Variants in NLGN1 observed in about 807,000 individuals in gnomAD.
NLGN1 encodes neuroligin-1.
A neutral mutation model predicts 65.5 loss-of-function variants in NLGN1; 12 were observed. The ratio of observed to expected loss-of-function variants is 0.18; its 90% confidence interval spans 0.12 to 0.30. The LOEUF is 0.30. NLGN1 is among the 10% of genes least tolerant of loss of function. NLGN1 has a pLI of 1.00. For missense variants in NLGN1, 750 were observed against 1,007.1 expected (o/e 0.74, Z 3.46); for synonymous variants, 350 against 359.5 (o/e 0.97, Z 0.30).
At chr3:173,845,977 T>A (rs986989441) in intron 4 of NLGN1, among the ~76,000 whole-genome samples, 1 of 152,066 alleles carries the variant, frequency 6.6e-6, no homozygotes, top group African/African-American at 2.4e-5. Context: ...AAAGATGGGG[T>A]CTTGCTATGT....
intron 4 of NLGN1, among the ~76,000 whole-genome samples, chr3:173,858,211 A>T (rs1728365158): frequency 6.6e-6 from 1 of 151,990 alleles, no homozygotes; most frequent in Non-Finnish European, 1.5e-5. Flanking sequence ...CTTTTCTTCC[A>T]TTTTGAATTC....
At chr3:173,698,917 C>T (rs937489430) in intron 3 of NLGN1, among the ~76,000 whole-genome samples, 4 of 152,020 alleles carry the variant, frequency 2.6e-5, no homozygotes, top group Non-Finnish European at 4.4e-5. Flanking sequence ...AGTACAATGG[C>T]GTGATCTCAG....
At chr3:173,540,335 G>A (rs1738639189) in intron 2 of NLGN1, among the ~76,000 whole-genome samples, 1 of 152,062 alleles carries the variant, frequency 6.6e-6, no homozygotes, top group African/African-American at 2.4e-5. Flanking sequence ...CTTTTGCTGG[G>A]CCCCACTCAA....
intron 4 of NLGN1, among the ~76,000 whole-genome samples, chr3:174,105,832 A>G (rs2152595734): frequency 6.6e-6 from 1 of 152,182 alleles, no homozygotes; most frequent in Non-Finnish European, 1.5e-5. Flanking sequence ...GGAAATATAT[A>G]CTATTAGCAA....
At chr3:174,028,954 A>AT (rs1729376306) in intron 4 of NLGN1, among the ~76,000 whole-genome samples, 1 of 152,126 alleles carries the variant, frequency 6.6e-6, no homozygotes, top group African/African-American at 2.4e-5. Flanking sequence ...AGGGGCCAAC[A>AT]TAGAGCTCAG....
At chr3:174,028,988 G>A (rs1729385121) in intron 4 of NLGN1, among the ~76,000 whole-genome samples, 1 of 152,006 alleles carries the variant, frequency 6.6e-6, no homozygotes, top group South Asian at 2.1e-4. Flanking sequence ...GTACGGAAAT[G>A]CCTGGATATC....
In NLGN1 at chr3:173,927,940, T is replaced by C. The variant is rs144057817; in HGVS notation, c.646+120108T>C. 3.2e-3 allele frequency among the ~76,000 whole-genome samples: 480 copies of C among 152,248 alleles called. 1 individual carries two copies. The highest frequency in any genetic ancestry group is 0.011 in the African/African-American group (451 of 41,544). ...TTACTTCTCTGAAGACCTGGTTGTG[T>C]CCGGCACAGTGCTTTTTATGTAGGA... On this transcript the variant is annotated intron_variant, in intron 4 of 6. Transcript: ENST00000457714.
chr3:174,170,284 T>C (rs1463529905), intron 4 of NLGN1, among the ~76,000 whole-genome samples: 1 of 152,076 alleles, frequency 6.6e-6, no homozygotes, highest in Non-Finnish European at 1.5e-5. Flanking sequence ...CCTCCTACAA[T>C]CTTTGATAAC....
At chr3:173,972,405 A>C (rs544774069) in intron 4 of NLGN1, among the ~76,000 whole-genome samples, 4 of 152,288 alleles carry the variant, frequency 2.6e-5, no homozygotes, top group Admixed American at 1.3e-4. Flanking sequence ...TGGTAGAATG[A>C]ATGCAAAGGC....
chr3:173,723,938 A>G (rs1771309009), intron 3 of NLGN1, among the ~76,000 whole-genome samples: 2 of 152,218 alleles, frequency 1.3e-5, no homozygotes, highest in Non-Finnish European at 2.9e-5. Context: ...TTTTGAAGAT[A>G]GAAATGACAA....
intron 3 of NLGN1, among the ~76,000 whole-genome samples, chr3:173,618,972 C>T (rs1009160546): frequency 1.3e-5 from 2 of 152,046 alleles, no homozygotes; most frequent in Admixed American, 6.6e-5. Context: ...CCGGCTGATC[C>T]CTGAGCTCAG....
chr3:173,742,893 T>A (rs954276095), intron 3 of NLGN1, among the ~76,000 whole-genome samples: 4 of 152,158 alleles, frequency 2.6e-5, no homozygotes, highest in African/African-American at 9.7e-5. Context: ...GTCTAAGTTA[T>A]TCCTCCAGAT....
intron 1 of NLGN1, among the ~76,000 whole-genome samples, chr3:173,422,892 T>G (rs247967): frequency 0.34 from 52,274 of 152,010 alleles, 10,033 homozygotes; most frequent in African/African-American, 0.52. Context: ...TGCAAGTATT[T>G]TTTCTGTATT....
At chr3:173,627,471 G>A (rs908679448) in intron 3 of NLGN1, among the ~76,000 whole-genome samples, 1 of 151,742 alleles carries the variant, frequency 6.6e-6, no homozygotes, top group African/African-American at 2.4e-5. Context: ...TTACTACCTT[G>A]GCTATTGTGA....
chr3:173,557,030 A>G (rs1372352436), intron 2 of NLGN1, among the ~76,000 whole-genome samples: 3 of 100,774 alleles, frequency 3.0e-5, no homozygotes, highest in East Asian at 7.1e-4. Flanking sequence ...CTGTAGGCAT[A>G]CTGATTTTTT....
At chr3:174,210,933 T>C (rs1412904490) in intron 4 of NLGN1, among the ~76,000 whole-genome samples, 1 of 152,164 alleles carries the variant, frequency 6.6e-6, no homozygotes, top group African/African-American at 2.4e-5. Flanking sequence ...TGTCCGGAAT[T>C]GGTGGGTTCT....
chr3:173,566,671 T>C (rs1460986646), intron 2 of NLGN1, among the ~76,000 whole-genome samples: 1 of 152,138 alleles, frequency 6.6e-6, no homozygotes, highest in East Asian at 1.9e-4. Context: ...TCCTTAACTA[T>C]CTGCTATTAA....
rs1433675251 is a variant in NLGN1 at position 174,089,809 on chromosome 3, TC to T, written c.647-185504del. ...AGAAGTAATTCTCTCACTGATGGCATCCAGAATTTCTATGGCAAATTCACAA... is the reference window on the plus strand; with the variant it reads ...AGAAGTAATTCTCTCACTGATGGCATCAGAATTTCTATGGCAAATTCACAA... On this transcript the variant is annotated intron_variant, in intron 4 of 6. Transcript: ENST00000457714. Among the ~76,000 whole-genome samples, 3 of 152,070 alleles carry T rather than the reference TC, an allele frequency of 2.0e-5. 1 individual carries two copies. The South Asian group carries it at 6.2e-4, about 32-fold the overall frequency.
chr3:173,464,651 T>C (rs1230040239), intron 2 of NLGN1, among the ~76,000 whole-genome samples: 1 of 151,996 alleles, frequency 6.6e-6, no homozygotes, highest in African/African-American at 2.4e-5. Context: ...GTCAGGCTGC[T>C]CTCGAACTCC....
Sources: allele counts gnomAD v4.1 joint callset (sites outside exome capture counted in the v4.1 genomes callset), GRCh38; gene constraint gnomAD v4.1.1; transcripts MANE v1.5; gene names NCBI Gene and HGNC (gene_info 2026-07-23, HGNC 2026-07-21).